Variants in DCDC1 observed in about 807,000 individuals in gnomAD.
DCDC1 encodes the protein doublecortin domain-containing protein 1.
A neutral mutation model predicts 178.3 loss-of-function variants in DCDC1; 200 were observed. The observed-to-expected ratio is 1.12, with a 90% CI of 1.00 to 1.26. DCDC1 has a LOEUF of 1.26. DCDC1 is among the 50% of genes most tolerant of loss of function. The pLI is 0.00. For missense variants in DCDC1, 1,983 were observed against 1,749.2 expected (o/e 1.13, Z -2.38); for synonymous variants, 690 against 604.8 (o/e 1.14, Z -2.07).
Position 30,917,014 on chromosome 11 carries a change from C to G in DCDC1, c.3308G>C (p.Arg1103Thr). Residue 1103 changes from arginine (R) to threonine (T), a missense_variant, in exon 26 of 39, where the codon AGA becomes ACA. Arg to Thr is a moderately conservative substitution (Grantham distance 71). Coordinates refer to ENST00000684477, the MANE Select transcript of DCDC1 (RefSeq NM_001387274.1). The part of the protein sequence containing the change: ...ASSEILDSHV[R>T]AHLRMKACHT... ...ACAAGCCTTCATTCGAAGATGAGCT[C>G]TTACGTGTGAATCTCTATCAAGGTT... 1 of 1,601,266 alleles carries G rather than the reference C, an allele frequency of 6.2e-7. No individual in the cohort carries two copies.
At chr11:31,323,061 T>G (rs1377647084) in intron 3 of DCDC1, among the ~76,000 whole-genome samples, 1 of 152,232 alleles carries the variant, frequency 6.6e-6, no homozygotes, top group African/African-American at 2.4e-5. Context: ...CTACTTTTAT[T>G]TAATCAGGAA....
At chr11:31,282,151 T>C (rs961873101) in intron 7 of DCDC1, among the ~76,000 whole-genome samples, 1 of 152,158 alleles carries the variant, frequency 6.6e-6, no homozygotes, top group Non-Finnish European at 1.5e-5. Flanking sequence ...CAACTGATAT[T>C]ATTTCTCATG....
intron 20 of DCDC1, among the ~76,000 whole-genome samples, chr11:31,030,624 T>G (rs1953559199): frequency 6.6e-6 from 1 of 151,978 alleles, no homozygotes; most frequent in Admixed American, 6.6e-5. Flanking sequence ...AGGAATAGAG[T>G]GCATATGTGC....
chr11:31,074,448 G>C (rs1956751068), intron 18 of DCDC1, among the ~76,000 whole-genome samples: 1 of 152,156 alleles, frequency 6.6e-6, no homozygotes, highest in Non-Finnish European at 1.5e-5. Context: ...CTCATGGACA[G>C]AATTAGGGCC....
At chr11:31,147,977 A>G (rs1390683379) in intron 9 of DCDC1, among the ~76,000 whole-genome samples, 1 of 152,148 alleles carries the variant, frequency 6.6e-6, no homozygotes, top group Non-Finnish European at 1.5e-5. Flanking sequence ...GGCTGGGGTC[A>G]GGGGCCCACC....
intron 3 of DCDC1, among the ~76,000 whole-genome samples, chr11:31,312,988 T>C (rs1365957255): frequency 6.6e-6 from 1 of 151,972 alleles, no homozygotes; most frequent in African/African-American, 2.4e-5. Flanking sequence ...AGACCTCGTC[T>C]CTAAAAAAAA....
intron 9 of DCDC1, among the ~76,000 whole-genome samples, chr11:31,205,635 A>G (rs112432170): frequency 0.013 from 1,935 of 152,330 alleles, 49 homozygotes; most frequent in African/African-American, 0.045. Flanking sequence ...ATGGTATTTT[A>G]AAATCTATTA....
At chr11:30,981,938 A>C (rs1950411020) in intron 20 of DCDC1, among the ~76,000 whole-genome samples, 1 of 152,172 alleles carries the variant, frequency 6.6e-6, no homozygotes, top group Admixed American at 6.6e-5. Context: ...CCGTAAAAAC[A>C]ATCATACTAC....
intron 20 of DCDC1, among the ~76,000 whole-genome samples, chr11:30,986,354 G>A (rs1451173227): frequency 7.0e-6 from 1 of 142,272 alleles, no homozygotes; most frequent in African/African-American, 2.7e-5. Flanking sequence ...TTTTTTTTGA[G>A]ATGGAGTCTC....
At chr11:30,869,521 CA>C (rs777865546) in intron 38 of DCDC1, among the ~76,000 whole-genome samples, 3 of 152,212 alleles carry the variant, frequency 2.0e-5, no homozygotes, top group Non-Finnish European at 4.4e-5. Context: ...CAATTCTGAA[CA>C]CCCTACTTTC....
chr11:31,354,330 T>C (rs1165856193), intron 1 of DCDC1, among the ~76,000 whole-genome samples: 1 of 152,174 alleles, frequency 6.6e-6, no homozygotes, highest in Non-Finnish European at 1.5e-5. Context: ...TATTTATGAC[T>C]GTCAACACAG....
At chr11:31,119,745 T>C (rs774691050) in intron 11 of DCDC1, among the ~76,000 whole-genome samples, 30 of 152,322 alleles carry the variant, frequency 2.0e-4, no homozygotes, top group South Asian at 4.1e-4. Context: ...TTTGTGCCAT[T>C]CAAAGAATAA....
chr11:31,132,790 T>C (rs1215965708), intron 10 of DCDC1, among the ~76,000 whole-genome samples: 1 of 152,216 alleles, frequency 6.6e-6, no homozygotes. Context: ...CTACACATTC[T>C]ACTCTTCATT....
chr11:31,236,234 C>G (rs71487990), intron 9 of DCDC1, among the ~76,000 whole-genome samples: 2,095 of 152,096 alleles, frequency 0.014, 29 homozygotes, highest in Middle Eastern at 0.055. Context: ...TACCTATGCA[C>G]AAACTCTAGA....
intron 1 of DCDC1, among the ~76,000 whole-genome samples, chr11:31,354,818 T>C (rs1211424892): frequency 1.3e-5 from 2 of 152,206 alleles, no homozygotes; most frequent in Non-Finnish European, 2.9e-5. Context: ...GTCTTTTTAC[T>C]GATGACTGAC....
intron 37 of DCDC1, 143 bp downstream of exon 37, chr11:30,881,015 T>G: frequency 1.1e-6 from 1 of 940,742 alleles, no homozygotes; most frequent in Non-Finnish European, 1.5e-6. Flanking sequence ...AATATATAAA[T>G]TTAACTTCCA....
At chr11:31,031,842 A>G (rs1054679920) in intron 20 of DCDC1, among the ~76,000 whole-genome samples, 10 of 152,080 alleles carry the variant, frequency 6.6e-5, no homozygotes, top group African/African-American at 2.4e-4. Flanking sequence ...AGAGCCTGTA[A>G]CTCTAAAACA....
At chr11:31,113,772 C>T (rs2135824390) in intron 11 of DCDC1, among the ~76,000 whole-genome samples, 1 of 152,190 alleles carries the variant, frequency 6.6e-6, no homozygotes, top group South Asian at 2.1e-4. Flanking sequence ...GGCCTTATCT[C>T]TAGCATGGTT....
chr11:31,169,916 G>A (rs1036252305), intron 9 of DCDC1, among the ~76,000 whole-genome samples: 47 of 152,254 alleles, frequency 3.1e-4, no homozygotes, highest in African/African-American at 1.1e-3. Flanking sequence ...TTTTTCTGAG[G>A]CAGAAGCAGC....
Sources: gnomAD v4.1 joint callset for allele counts (sites outside exome capture counted in the v4.1 genomes callset) on GRCh38, gnomAD v4.1.1 for gene constraint, MANE v1.5 for transcripts, NCBI Gene and HGNC (gene_info 2026-07-23, HGNC 2026-07-21) for gene names.